KDR: variants seen among roughly 807,000 people sequenced by gnomAD.
KDR encodes vascular endothelial growth factor receptor 2.
In KDR, 43 loss-of-function variants were observed where a neutral mutation model predicts 160.9. That is an observed-to-expected ratio of 0.27 (90% CI 0.21 to 0.34). The LOEUF (loss-of-function observed/expected upper bound fraction) is 0.34, where lower values mean the gene tolerates loss of function less well. Among genes scored for constraint, KDR ranks in the 10% least tolerant of loss-of-function variants. The pLI is 1.00. For missense variants in KDR, 1,469 were observed against 1,666.4 expected (o/e 0.88, Z 2.06); for synonymous variants, 617 against 600.1 (o/e 1.03, Z -0.41).
intron 7 of KDR, among the ~76,000 whole-genome samples, chr4:55,111,409 G>C (rs536178765): frequency 6.6e-6 from 1 of 152,036 alleles, no homozygotes; most frequent in East Asian, 1.9e-4. Flanking sequence ...GCTAACGCTC[G>C]AGTCATCTTC....
rs766907085 is a variant in KDR, at chr4:55,089,744, A to C, written c.3251T>G (p.Ile1084Ser). 1.2e-6 allele frequency: 2 copies of C among 1,614,116 alleles called. No individual in the cohort carries two copies. The highest frequency in any genetic ancestry group is 1.7e-6 in the Non-Finnish European group (2 of 1,179,996). ...PETIFDRVYT[I>S]QSDVWSFGVL... ...ACCAAAAGACCAGACGTCACTCTGG[A>C]TTGTGTACACTCTGTCAAAAATTGT... Residue 1084 changes from isoleucine (I) to serine (S), a missense_variant, in exon 24 of 30, where the codon ATC becomes AGC. By Grantham distance (142) the Ile-to-Ser change is moderately radical. This residue lies in a region of KDR where 132 missense variants were observed against 195.9 expected (regional missense o/e 0.67). Transcript: ENST00000263923.
chr4:55,110,812 G>A, intron 7 of KDR, 44 bp from the exon 8 acceptor site: 1 of 1,459,098 alleles, frequency 6.9e-7, no homozygotes, highest in Non-Finnish European at 9.6e-7. Flanking sequence ...TACTGTAAAT[G>A]GTCATTTGAT....
In KDR at chr4:55,104,849, T is replaced by A; in HGVS notation, c.1781A>T (p.His594Leu). 6.2e-7 allele frequency: 1 copy of A among 1,613,982 alleles called. No homozygotes were observed. Among genetic ancestry groups the A allele is most frequent in the South Asian group, 1.1e-5 (1 of 91,084 alleles). Residue 594 changes from histidine (H) to leucine (L), a missense_variant, in exon 13 of 30, where the codon CAT becomes CTT. Physicochemically the swap from His to Leu is moderately conservative, Grantham distance 99. This residue lies in a region of KDR where 792 missense variants were observed against 840.9 expected (regional missense o/e 0.94). Transcript: ENST00000263923. ...AACAGGTGTGGGCAACTCTCCCACA[T>A]GGATTGGCAGAGGCTGTGGGCCAAG... ...YKLGPQPLPI[H>L]VGELPTPVCK...
At chr4:55,096,479 G>T (rs1450299580) in intron 18 of KDR, 137 bp from the exon 19 acceptor site, 9 of 652,484 alleles carry the variant, frequency 1.4e-5, no homozygotes, top group Non-Finnish European at 2.5e-5. Flanking sequence ...CAGACCACAT[G>T]CATTTCCTCA....
Position 55,087,635 on chromosome 4 carries a change from A to T in KDR, c.3634T>A (p.Phe1212Ile). 6.2e-7 allele frequency: 1 copy of T among 1,614,096 alleles called. No homozygotes were observed. The highest frequency in any genetic ancestry group is 8.5e-7 in the Non-Finnish European group (1 of 1,179,992). The change falls in exon 27 of 30, where the codon TTC becomes ATC. Residue 1212 changes from phenylalanine to isoleucine, a missense_variant. By Grantham distance (21) the Phe-to-Ile change is conservative. Coordinates refer to ENST00000263923, the MANE Select transcript of KDR (RefSeq NM_002253.4). Reference sequence around the variant, plus strand: ...ATTCCTGCTGTGTTGTCATAATGGAATTTGGGGTCACATACTTCCTCCTCC... The same window carrying T: ...ATTCCTGCTGTGTTGTCATAATGGATTTTGGGGTCACATACTTCCTCCTCC... ...MEEEEVCDPK[F>I]HYDNTAGISQ...
intron 15 of KDR, among the ~76,000 whole-genome samples, chr4:55,101,492 G>A (rs1720307601): frequency 1.3e-5 from 2 of 152,152 alleles, no homozygotes; most frequent in Admixed American, 6.6e-5. Context: ...ACTTCCCACT[G>A]ACCTTCTTTT....
chr4:55,121,065 A>G, intron 2 of KDR, 32 bp downstream of exon 2: 1 of 1,437,888 alleles, frequency 7.0e-7, no homozygotes, highest in Non-Finnish European at 9.8e-7. Context: ...GTTACTTAAC[A>G]CAAGAAATCT....
intron 2 of KDR, among the ~76,000 whole-genome samples, chr4:55,120,265 C>T (rs1378256398): frequency 6.6e-6 from 1 of 152,158 alleles, no homozygotes; most frequent in Non-Finnish European, 1.5e-5. Flanking sequence ...TGTGGACCCC[C>T]AGCACTCTTC....
intron 25 of KDR, 80 bp from the exon 26 acceptor site, chr4:55,089,053 T>C (rs765171668): frequency 1.9e-6 from 2 of 1,031,084 alleles, no homozygotes; most frequent in Non-Finnish European, 3.0e-6. Context: ...TGAGTACACA[T>C]TTGTAAAGAG....
Position 55,118,642 on chromosome 4 carries a change from T to A in KDR, c.320A>T (p.Glu107Val). ...DTGAYKCFYR[E>V]TDLASVIYVY... ...ATAAATGACCGAGGCCAAGTCAGTT[T>A]CCCGGTAGAAGCACTTGTAGGCTCC... Residue 107 changes from glutamate to valine, a missense_variant, in exon 3 of 30, where the codon GAA (glutamate) becomes GTA (valine). Transcript: ENST00000263923. 6.2e-7 allele frequency: 1 copy of A among 1,614,194 alleles called. No homozygotes were observed. Among genetic ancestry groups the A allele is most frequent in the Non-Finnish European group, 8.5e-7 (1 of 1,180,022 alleles).
At chr4:55,092,096 G>A (rs1156808597) in intron 22 of KDR, among the ~76,000 whole-genome samples, 6 of 152,114 alleles carry the variant, frequency 3.9e-5, no homozygotes, top group South Asian at 2.1e-4. Flanking sequence ...CCCCTTTCCA[G>A]GTCATTGCTC....
intron 3 of KDR, 50 bp from the exon 4 acceptor site, chr4:55,115,461 A>T: frequency 9.4e-7 from 1 of 1,066,256 alleles, no homozygotes; most frequent in Non-Finnish European, 1.5e-6. Context: ...TTACTAGAAA[A>T]GTTGGTCATT....
In KDR at chr4:55,118,638, A is replaced by G; in HGVS notation, c.324T>C (p.Thr108=). The G allele has an allele frequency of 3.7e-6, 6 of 1,614,162 alleles. No homozygotes were observed. The highest frequency in any genetic ancestry group is 5.1e-6 in the Non-Finnish European group (6 of 1,179,992). The part of the protein sequence containing the change: ...TGAYKCFYRE[T]DLASVIYVYV... ...AGACATAAATGACCGAGGCCAAGTC[A>G]GTTTCCCGGTAGAAGCACTTGTAGG... is the stretch of plus-strand genomic sequence containing the variant. Residue 108 remains threonine, a synonymous_variant, in exon 3 of 30, where the codon ACT becomes ACC. Coordinates refer to ENST00000263923, the MANE Select transcript of KDR (RefSeq NM_002253.4).
chr4:55,117,675 T>A (rs1055499760), intron 3 of KDR, among the ~76,000 whole-genome samples: 2 of 152,172 alleles, frequency 1.3e-5, no homozygotes, highest in African/African-American at 4.8e-5. Flanking sequence ...GGGAAAAAAG[T>A]CTAAGTCATC....
At chr4:55,093,602 A>C (rs1430607749) in intron 21 of KDR, among the ~76,000 whole-genome samples, 1 of 152,186 alleles carries the variant, frequency 6.6e-6, no homozygotes, top group Non-Finnish European at 1.5e-5. Flanking sequence ...AGCTAAATGA[A>C]GCCTAGACCA....
At chr4:55,092,492 T>C (rs1720043541) in intron 22 of KDR, 125 bp downstream of exon 22, 1 of 752,022 alleles carries the variant, frequency 1.3e-6, no homozygotes, top group African/African-American at 1.7e-5. Flanking sequence ...GTAGAGCTCT[T>C]CTAAAAGACG....
intron 22 of KDR, among the ~76,000 whole-genome samples, chr4:55,091,613 A>G (rs988658869): frequency 2.0e-5 from 3 of 152,248 alleles, no homozygotes; most frequent in Admixed American, 1.3e-4. Context: ...GCTACCTAGC[A>G]GAAACATCAA....
At chr4:55,083,490 A>G (rs1719785880) in intron 27 of KDR, among the ~76,000 whole-genome samples, 1 of 152,088 alleles carries the variant, frequency 6.6e-6, no homozygotes, top group African/African-American at 2.4e-5. Flanking sequence ...TGACTTCCAA[A>G]GCTTCCTTCA....
At chr4:55,095,762 G>A in intron 19 of KDR, 97 bp from the exon 20 acceptor site, 1 of 822,100 alleles carries the variant, frequency 1.2e-6, no homozygotes. Context: ...CTTAGAAGAA[G>A]GCTACAACCT....
Sources: allele counts gnomAD v4.1 joint callset (sites outside exome capture counted in the v4.1 genomes callset), GRCh38; gene constraint gnomAD v4.1.1; regional missense constraint gnomAD v4.1.1; transcripts MANE v1.5; gene names NCBI Gene and HGNC (gene_info 2026-07-23, HGNC 2026-07-21).